INSL6: variants seen among roughly 807,000 people sequenced by gnomAD.
The protein encoded by INSL6 is insulin like 6.
Under a neutral mutation model 9.4 loss-of-function variants are expected in INSL6, and 16 were observed. The ratio of observed to expected loss-of-function variants is 1.70; its 90% CI spans 1.15 to 2.59. The LOEUF is 2.59. INSL6 is among the 30% of genes most tolerant of loss of function. The pLI, the probability that INSL6 is intolerant of heterozygous loss-of-function variation, is 0.00. For synonymous variants in INSL6, 154 were observed against 96.9 expected (o/e 1.59, Z -3.46); for missense variants, 391 against 257.3 (o/e 1.52, Z -3.56).
the INSL6 span, among the ~76,000 whole-genome samples, chr9:5,104,033 C>T: frequency 6.6e-6 from 1 of 152,108 alleles, no homozygotes; most frequent in Non-Finnish European, 1.5e-5. Flanking sequence ...CAAACAAATT[C>T]AAAAGCTAGC....
the INSL6 span, chr9:5,085,166 C>G: frequency 1.5e-6 from 1 of 651,244 alleles, no homozygotes; most frequent in Non-Finnish European, 3.0e-6. Flanking sequence ...CTGTCTACAT[C>G]TCCCGGCAAA....
chr9:5,086,620 C>A, the INSL6 span, among the ~76,000 whole-genome samples: 13 of 152,300 alleles, frequency 8.5e-5, no homozygotes, highest in East Asian at 2.1e-3. Context: ...GGCTTCTCTA[C>A]CCCAAAGTTA....
chr9:5,085,287 G>GT, the INSL6 span: 1 of 710,844 alleles, frequency 1.4e-6, no homozygotes, highest in South Asian at 1.4e-5. Context: ...GTTTGCCTAT[G>GT]TTAGAACATG....
rs79460936 is a variant in INSL6, at chr9:5,182,582, T to C, written c.289+2732A>G. 7.2e-3 allele frequency among the ~76,000 whole-genome samples: 1,089 copies of C among 152,206 alleles called. 28 individuals carry two copies. The East Asian group carries it at 0.074, about 10-fold the overall frequency. ...ACACATGATAGGTACTCAAATTTTG[T>C]TGAACTAATATATAAAGAGAAGGGC... On this transcript the variant is annotated intron_variant, in intron 1 of 1. Transcript: ENST00000381641.
At chr9:5,023,095 C>T in the INSL6 span, among the ~76,000 whole-genome samples, 1 of 152,174 alleles carries the variant, frequency 6.6e-6, no homozygotes, top group Admixed American at 6.5e-5. Context: ...TTCTATCAAA[C>T]ATTTGAACTT....
chr9:5,064,723 C>T, the INSL6 span, among the ~76,000 whole-genome samples: 1 of 152,044 alleles, frequency 6.6e-6, no homozygotes, highest in Admixed American at 6.6e-5. Flanking sequence ...TCTTAAATAT[C>T]AGACATGAGA....
At chr9:5,112,451 A>T in the INSL6 span, 6 of 534,840 alleles carry the variant, frequency 1.1e-5, no homozygotes, top group African/African-American at 9.9e-5. Context: ...GAGAAGAAGG[A>T]GCTGAAGGAC....
the INSL6 span, among the ~76,000 whole-genome samples, chr9:5,104,676 C>G: frequency 1.7e-4 from 26 of 152,270 alleles, no homozygotes; most frequent in African/African-American, 6.0e-4. Flanking sequence ...ACTGGCAAAC[C>G]CAATCCAGCA....
chr9:5,055,728 C>T, the INSL6 span: 1 of 1,607,378 alleles, frequency 6.2e-7, no homozygotes. Context: ...AGCAAGCAAA[C>T]CAAGAGGGTT....
At chr9:5,115,588 T>G in the INSL6 span, among the ~76,000 whole-genome samples, 25,720 of 151,912 alleles carry the variant, frequency 0.17, 2,491 homozygotes, top group Middle Eastern at 0.23. Context: ...TATAAATCAT[T>G]CTACTATAAA....
chr9:5,057,938 G>A, the INSL6 span, among the ~76,000 whole-genome samples: 5 of 152,054 alleles, frequency 3.3e-5, no homozygotes, highest in East Asian at 7.7e-4. Flanking sequence ...AAAGCAGGCT[G>A]AAACAATACT....
the INSL6 span, among the ~76,000 whole-genome samples, chr9:5,047,869 G>T: frequency 6.6e-6 from 1 of 152,042 alleles, no homozygotes; most frequent in African/African-American, 2.4e-5. Flanking sequence ...CCAAAGTGCT[G>T]GGAGTACGAG....
At chr9:5,060,796 T>G in the INSL6 span, among the ~76,000 whole-genome samples, 1 of 152,318 alleles carries the variant, frequency 6.6e-6, no homozygotes, top group Admixed American at 6.5e-5. Context: ...GTGAATCCTT[T>G]CCATAAGTTT....
At chr9:5,012,411 C>A in the INSL6 span, among the ~76,000 whole-genome samples, 1 of 151,902 alleles carries the variant, frequency 6.6e-6, no homozygotes, top group South Asian at 2.1e-4. Flanking sequence ...TCATCAGGAA[C>A]ATTAGTGTAG....
At chr9:5,156,899 T>TA (rs1395209598) in intron 2 of INSL6, among the ~76,000 whole-genome samples, 4 of 151,912 alleles carry the variant, frequency 2.6e-5, no homozygotes, top group Non-Finnish European at 5.9e-5. Context: ...ACAATAGCAT[T>TA]AAAAAAATAA....
chr9:5,098,523 G>C, the INSL6 span: 1 of 152,086 alleles, frequency 6.6e-6, no homozygotes, highest in Non-Finnish European at 1.5e-5. Flanking sequence ...CCAAGAAATT[G>C]AGACTGTTTG....
chr9:4,997,892 T>C, the INSL6 span, among the ~76,000 whole-genome samples: 2 of 152,214 alleles, frequency 1.3e-5, no homozygotes, highest in Non-Finnish European at 2.9e-5. Context: ...TTTCTTATTG[T>C]TTCCTTGTTT....
the INSL6 span, among the ~76,000 whole-genome samples, chr9:5,009,211 T>TAAAC: frequency 9.7e-3 from 1,477 of 152,306 alleles, 18 homozygotes; most frequent in Non-Finnish European, 0.018. Flanking sequence ...CAGCAGGTGT[T>TAAAC]AAACACCTGT....
chr9:5,054,980 T>G, the INSL6 span: 1 of 846,116 alleles, frequency 1.2e-6, no homozygotes, highest in South Asian at 2.1e-5. The surrounding 1 kb of genome is among the most constrained non-coding windows in gnomAD (Gnocchi z 4.9). Flanking sequence ...GGTATTGCAC[T>G]TCTCCCATTT....
Sources: allele counts gnomAD v4.1 joint callset (sites outside exome capture counted in the v4.1 genomes callset), GRCh38; gene constraint gnomAD v4.1.1; non-coding constraint Gnocchi (gnomAD v3.1); transcripts MANE v1.5; gene names NCBI Gene and HGNC (gene_info 2026-07-23, HGNC 2026-07-21).